Variants in KCNAB1 observed in about 807,000 individuals in gnomAD.
KCNAB1 encodes the protein potassium voltage-gated channel subfamily A regulatory beta subunit 1.
In KCNAB1, 35 loss-of-function variants were observed where a neutral mutation model predicts 64.6. That is an observed-to-expected ratio of 0.54 (90% CI 0.41 to 0.72). The LOEUF is 0.72. Among genes scored for constraint, KCNAB1 ranks in the 30% least tolerant of loss-of-function variants. KCNAB1 has a pLI of 0.00. For missense variants in KCNAB1, 401 were observed against 512.9 expected (o/e 0.78, Z 2.11); for synonymous variants, 177 against 183.8 (o/e 0.96, Z 0.30).
chr3:156,518,480 G>GA (rs199523079), intron 11 of KCNAB1, among the ~76,000 whole-genome samples: 1 of 137,072 alleles, frequency 7.3e-6, no homozygotes, highest in African/African-American at 2.7e-5. Context: ...GAAAAGAAAA[G>GA]AAAGAAGGAA....
intron 5 of KCNAB1, chr3:156,460,106 G>C (rs777471102): frequency 6.7e-6 from 3 of 446,566 alleles, no homozygotes; most frequent in Middle Eastern, 5.7e-4. Flanking sequence ...GCAGAGAAGG[G>C]GGGGATGTTC....
intron 2 of KCNAB1, among the ~76,000 whole-genome samples, chr3:156,436,078 A>T (rs189412463): frequency 4.2e-4 from 64 of 151,098 alleles, no homozygotes; most frequent in African/African-American, 1.5e-3. Context: ...ACCCCTGCCC[A>T]CCCCCAACAG....
chr3:156,171,664 T>C (rs942958022), intron 1 of KCNAB1, among the ~76,000 whole-genome samples: 1 of 152,224 alleles, frequency 6.6e-6, no homozygotes, highest in African/African-American at 2.4e-5. Context: ...CCAATGCGAA[T>C]GTACTGTGCT....
intron 1 of KCNAB1, among the ~76,000 whole-genome samples, chr3:156,361,758 A>G (rs1202171785): frequency 6.6e-6 from 1 of 152,066 alleles, no homozygotes; most frequent in Non-Finnish European, 1.5e-5. Context: ...TCCTGGGCTC[A>G]AGGGATCCTC....
chr3:156,503,015 C>T (rs1009142080), intron 8 of KCNAB1, among the ~76,000 whole-genome samples: 1 of 152,142 alleles, frequency 6.6e-6, no homozygotes, highest in African/African-American at 2.4e-5. Flanking sequence ...ATTCACAAAT[C>T]CTATAGAATT....
chr3:156,345,352 A>AT (rs1437933314), intron 1 of KCNAB1, among the ~76,000 whole-genome samples: 1 of 152,196 alleles, frequency 6.6e-6, no homozygotes, highest in Non-Finnish European at 1.5e-5. Context: ...ACAAGGAAAA[A>AT]CTCAAATAGC....
At chr3:156,243,373 C>T (rs1576638802) in intron 1 of KCNAB1, among the ~76,000 whole-genome samples, 3 of 152,036 alleles carry the variant, frequency 2.0e-5, no homozygotes, top group African/African-American at 4.8e-5. Context: ...TACAGGCCTG[C>T]GCCACCATGC....
chr3:156,187,158 C>G (rs967476474), intron 1 of KCNAB1, among the ~76,000 whole-genome samples: 1 of 152,178 alleles, frequency 6.6e-6, no homozygotes, highest in Non-Finnish European at 1.5e-5. Flanking sequence ...TGGGACATCT[C>G]AGTGTCTTTG....
chr3:156,313,914 G>A (rs1176412945), intron 1 of KCNAB1, among the ~76,000 whole-genome samples: 1 of 152,168 alleles, frequency 6.6e-6, no homozygotes, highest in East Asian at 1.9e-4. Context: ...TTGAGCACTA[G>A]CTCATTTTCA....
At chr3:156,244,241 G>A (rs747501292) in intron 1 of KCNAB1, among the ~76,000 whole-genome samples, 51 of 152,234 alleles carry the variant, frequency 3.4e-4, no homozygotes, top group South Asian at 6.2e-4. Flanking sequence ...CTAAGGTCAC[G>A]TCCATTTCTT....
chr3:156,398,732 T>A (rs1054318886), intron 1 of KCNAB1, among the ~76,000 whole-genome samples: 1 of 151,468 alleles, frequency 6.6e-6, no homozygotes, highest in Non-Finnish European at 1.5e-5. Flanking sequence ...GTTATATATA[T>A]ATATATATTT....
intron 1 of KCNAB1, among the ~76,000 whole-genome samples, chr3:156,262,212 A>G (rs771666566): frequency 7.2e-5 from 11 of 151,994 alleles, no homozygotes; most frequent in Non-Finnish European, 1.3e-4. Context: ...TTTTTATTGC[A>G]TTAGCTAAAA....
intron 1 of KCNAB1, among the ~76,000 whole-genome samples, chr3:156,168,212 C>A (rs542682583): frequency 1.3e-5 from 2 of 151,576 alleles, no homozygotes; most frequent in Non-Finnish European, 2.9e-5. Flanking sequence ...CACCCCCAAC[C>A]GCCCCCCAAA....
chr3:156,435,720 G>T (rs1176006868), intron 2 of KCNAB1, among the ~76,000 whole-genome samples: 1 of 152,094 alleles, frequency 6.6e-6, no homozygotes, highest in Non-Finnish European at 1.5e-5. Flanking sequence ...ATCTGCAAGA[G>T]TGAGATTCTA....
chr3:156,409,764 T>C (rs1266558218), intron 1 of KCNAB1, among the ~76,000 whole-genome samples: 1 of 152,146 alleles, frequency 6.6e-6, no homozygotes, highest in Non-Finnish European at 1.5e-5. Context: ...ATGAGATATA[T>C]ACAGTACCTT....
chr3:156,454,406 T>C (rs1014057460), intron 3 of KCNAB1, among the ~76,000 whole-genome samples: 1 of 152,190 alleles, frequency 6.6e-6, no homozygotes, highest in Non-Finnish European at 1.5e-5. Flanking sequence ...GACCAGTCAT[T>C]GGACCAGAGG....
At chr3:156,371,567 G>T (rs1387106352) in intron 1 of KCNAB1, among the ~76,000 whole-genome samples, 1 of 152,114 alleles carries the variant, frequency 6.6e-6, no homozygotes, top group African/African-American at 2.4e-5. Flanking sequence ...GCAGACTAGG[G>T]TCTAAAACAG....
chr3:156,197,113 T>C (rs1713999687), intron 1 of KCNAB1, among the ~76,000 whole-genome samples: 1 of 152,208 alleles, frequency 6.6e-6, no homozygotes, highest in Non-Finnish European at 1.5e-5. Context: ...TTTATTGATT[T>C]GTGTATGTTG....
intron 1 of KCNAB1, among the ~76,000 whole-genome samples, chr3:156,248,642 T>C (rs560596819): frequency 1.3e-5 from 2 of 152,248 alleles, no homozygotes; most frequent in Admixed American, 6.5e-5. Flanking sequence ...TCATTGCATA[T>C]AAATGACAAT....
Sources: gnomAD v4.1 joint callset for allele counts (sites outside exome capture counted in the v4.1 genomes callset) on GRCh38, gnomAD v4.1.1 for gene constraint, MANE v1.5 for transcripts, NCBI Gene and HGNC (gene_info 2026-07-23, HGNC 2026-07-21) for gene names.